CFAP20DC: variants seen among roughly 807,000 people sequenced by gnomAD.
The protein encoded by CFAP20DC is CFAP20 domain containing, also known as protein CFAP20DC.
Under a neutral mutation model 101.7 loss-of-function variants are expected in CFAP20DC, and 84 were observed. The ratio of observed to expected loss-of-function variants is 0.83; its 90% CI spans 0.69 to 0.99. The LOEUF is 0.99. CFAP20DC is among the 50% of genes least tolerant of loss of function. CFAP20DC has a pLI of 0.00. For missense variants in CFAP20DC, 1,007 were observed against 970.3 expected (o/e 1.04, Z -0.50); for synonymous variants, 359 against 351.2 (o/e 1.02, Z -0.25).
chr3:58,955,518 C>CTAA (rs1045216066), intron 4 of CFAP20DC, among the ~76,000 whole-genome samples: 2 of 152,090 alleles, frequency 1.3e-5, no homozygotes, highest in Non-Finnish European at 2.9e-5. Context: ...AGCATTTAAA[C>CTAA]CAGCCCTAGC....
rs371781482 is a variant in CFAP20DC at position 58,932,331 on chromosome 3, A to C, written c.393+5317T>G. On this transcript the variant is annotated intron_variant, in intron 5 of 16. Transcript: ENST00000482387. ...CTGAAAGTGATGGGGAGAATGGAAC[A>C]AAGTTGGAAAACACTCTGCAGGATA... 5.5e-4 allele frequency among the ~76,000 whole-genome samples: 84 copies of C among 152,312 alleles called. 2 individuals carry two copies. The highest frequency in any genetic ancestry group is 1.5e-3 in the African/African-American group (64 of 41,564).
rs777235079 is a variant in CFAP20DC at position 58,831,900 on chromosome 3, G to A, written c.1972-11C>T. Reference sequence around the variant, plus strand: ...TCGCCAGTCATATTCCTGACCAAGAGAGAGGAAAATAACAAAGGGTCATTT... The same window carrying A: ...TCGCCAGTCATATTCCTGACCAAGAAAGAGGAAAATAACAAAGGGTCATTT... On this transcript the variant is annotated splice_polypyrimidine_tract_variant and intron_variant, in intron 13 of 16. Coordinates refer to ENST00000482387, the MANE Select transcript of CFAP20DC (RefSeq NM_001394063.1). 22 of 1,612,592 alleles carry A rather than the reference G, an allele frequency of 1.4e-5. No individual in the cohort carries two copies. Among genetic ancestry groups the A allele is most frequent in the African/African-American group, 2.7e-5 (2 of 74,880 alleles).
rs1338410381 is a variant in CFAP20DC at position 58,762,303 on chromosome 3, G to T, written c.2238-8440C>A. Among the ~76,000 whole-genome samples, 3 of 152,186 alleles carry T rather than the reference G, an allele frequency of 2.0e-5. No homozygotes were observed. The East Asian group carries it at 5.8e-4, about 29-fold the overall frequency. ...TTACCATTATGTAATGGCCTTCTTT[G>T]TCTCTTCTGATCTTTGTTGGTTTAA... On this transcript the variant is annotated intron_variant, in intron 15 of 16. Coordinates refer to ENST00000482387, the MANE Select transcript of CFAP20DC (RefSeq NM_001394063.1).
At chr3:58,959,304 G>A (rs1262037252) in intron 4 of CFAP20DC, among the ~76,000 whole-genome samples, 1 of 152,158 alleles carries the variant, frequency 6.6e-6, no homozygotes, top group Non-Finnish European at 1.5e-5. Context: ...ATGTTGGTCA[G>A]GCTGGTCTTG....
At position 58,996,101 on chromosome 3, in the gene CFAP20DC, C is replaced by CAA. The variant is rs141283541; in HGVS notation, c.278+43455_278+43456insTT. ...TTAAATTGCTTTGGTATAAATGAAG[C>CAA]AGAAAAAAAAAAGTGTTTACTTACA... On this transcript the variant is annotated intron_variant, in intron 4 of 16. Coordinates refer to ENST00000482387, the MANE Select transcript of CFAP20DC (RefSeq NM_001394063.1). 3.4e-3 allele frequency among the ~76,000 whole-genome samples: 505 copies of CAA among 148,052 alleles called. 5 individuals carry two copies. The highest frequency in any genetic ancestry group is 0.012 in the African/African-American group (486 of 39,748).
In CFAP20DC at chr3:59,049,783, C is replaced by T; in HGVS notation, c.-152G>A. On this transcript the variant is annotated 5_prime_UTR_variant, in exon 1 of 17. Transcript: ENST00000482387. ...TTGGCCCAGACTTGGGCAGGCTCTT[C>T]TCAGCCCCTCCGGCCCCTGGTCAGC... is the stretch of plus-strand genomic sequence containing the variant. 2 of 871,858 alleles carry T rather than the reference C, an allele frequency of 2.3e-6. No individual in the cohort carries two copies. Among genetic ancestry groups the T allele is most frequent in the Non-Finnish European group, 3.4e-6 (2 of 581,710 alleles). The allele number at this position is 871,858 out of a possible 1,614,324, so 54.0% of individuals were successfully genotyped here.
chr3:58,790,387 T>G (rs1429573589), intron 15 of CFAP20DC, among the ~76,000 whole-genome samples: 1 of 152,206 alleles, frequency 6.6e-6, no homozygotes, highest in Non-Finnish European at 1.5e-5. Flanking sequence ...CCTGGAAACC[T>G]GTGGCCCTAA....
Position 59,001,169 on chromosome 3 carries a change from A to AT in CFAP20DC, c.278+38387dup, listed in dbSNP as rs2093299186. 1.3e-5 allele frequency among the ~76,000 whole-genome samples: 2 copies of AT among 152,146 alleles called. No individual in the cohort carries two copies. Among genetic ancestry groups the AT allele is most frequent in the Non-Finnish European group, 2.9e-5 (2 of 68,008 alleles). ...GAAAGAAAGGAAAGAGACCTAAGAG[A>AT]TTTAAATCAATGGTAAAATAACACA... On this transcript the variant is annotated intron_variant, in intron 4 of 16. Coordinates refer to ENST00000482387, the MANE Select transcript of CFAP20DC (RefSeq NM_001394063.1). This position sits in a 1 kb window ranked among gnomAD's most constrained non-coding sequence, Gnocchi z 4.5.
chr3:58,809,991 C>T (rs1003406984), intron 14 of CFAP20DC, among the ~76,000 whole-genome samples: 75 of 152,124 alleles, frequency 4.9e-4, no homozygotes, highest in Middle Eastern at 3.4e-3. Context: ...CACCATCCCA[C>T]GACTAAACCA....
At chr3:58,875,531 C>T (rs370871268) in intron 7 of CFAP20DC, among the ~76,000 whole-genome samples, 159 of 152,236 alleles carry the variant, frequency 1.0e-3, no homozygotes, top group African/African-American at 3.6e-3. Context: ...CTTCCCTCTT[C>T]CAATCCTGGG....
intron 6 of CFAP20DC, among the ~76,000 whole-genome samples, chr3:58,905,290 C>T (rs1210366780): frequency 6.6e-6 from 1 of 152,164 alleles, no homozygotes; most frequent in Non-Finnish European, 1.5e-5. Flanking sequence ...ATTATCATTG[C>T]TTGTTCTACT....
At chr3:58,969,357 T>G (rs908175275) in intron 4 of CFAP20DC, among the ~76,000 whole-genome samples, 14 of 152,152 alleles carry the variant, frequency 9.2e-5, no homozygotes, top group Non-Finnish European at 1.8e-4. Flanking sequence ...GATGAGGATG[T>G]GGAGAAATGA....
intron 14 of CFAP20DC, among the ~76,000 whole-genome samples, chr3:58,820,662 G>A (rs1208015208): frequency 2.6e-5 from 4 of 151,796 alleles, no homozygotes; most frequent in Middle Eastern, 3.4e-3. Context: ...ACAAATGGAA[G>A]AACATTCCAT....
chr3:58,852,904 C>A (rs2078386387), intron 12 of CFAP20DC, among the ~76,000 whole-genome samples: 2 of 151,394 alleles, frequency 1.3e-5, no homozygotes, highest in Non-Finnish European at 3.0e-5. Flanking sequence ...AATTGACACC[C>A]TAACATCACA....
intron 15 of CFAP20DC, among the ~76,000 whole-genome samples, chr3:58,774,429 C>T (rs1024327119): frequency 6.6e-6 from 1 of 152,166 alleles, no homozygotes. Flanking sequence ...TTCAATTCTT[C>T]CCCTTGATAT....
At chr3:59,005,466 A>G (rs2093412822) in intron 4 of CFAP20DC, among the ~76,000 whole-genome samples, 1 of 152,220 alleles carries the variant, frequency 6.6e-6, no homozygotes, top group South Asian at 2.1e-4. Flanking sequence ...CACCTTACAT[A>G]ACACTATGTT....
rs76194049 is a variant in CFAP20DC, at chr3:58,742,479, T to C, written c.2426A>G (p.Lys809Arg). Reference sequence around the variant, plus strand: ...GAGGCATTATACCAACTCATAGTATTTCCCTGTTTGGGGGTCAAAGTAACA... The same window carrying C: ...GAGGCATTATACCAACTCATAGTATCTCCCTGTTTGGGGGTCAAAGTAACA... The part of the protein sequence containing the change: ...LNCYFDPQTG[K>R]YYELV The change falls in exon 17 of 17, where the codon AAA becomes AGA. Residue 809 changes from lysine (K) to arginine (R), a missense_variant. Transcript: ENST00000482387. 3 of 1,606,194 alleles carry C rather than the reference T, an allele frequency of 1.9e-6. No individual in the cohort carries two copies. Among genetic ancestry groups the C allele is most frequent in the East Asian group, 2.3e-5 (1 of 44,404 alleles).
rs1294253439 is a variant in CFAP20DC at position 58,937,775 on chromosome 3, A to G, written c.279-13T>C. 1.5e-5 allele frequency: 21 copies of G among 1,378,858 alleles called. No homozygotes were observed. Among genetic ancestry groups the G allele is most frequent in the African/African-American group, 4.3e-5 (3 of 70,206 alleles). 85.4% of individuals were successfully genotyped at this position (1,378,858 alleles called of 1,614,324 possible). On this transcript the variant is annotated splice_polypyrimidine_tract_variant and intron_variant, in intron 4 of 16. Coordinates refer to ENST00000482387, the MANE Select transcript of CFAP20DC (RefSeq NM_001394063.1). ...TAAATCAGTAATTCTGAAAACATGG[A>G]GGAGAGAAGACAGAAAGATTCCCAT... is the stretch of plus-strand genomic sequence containing the variant.
At chr3:58,787,824 C>A (rs994056470) in intron 15 of CFAP20DC, among the ~76,000 whole-genome samples, 3 of 152,220 alleles carry the variant, frequency 2.0e-5, no homozygotes, top group Admixed American at 2.0e-4. Context: ...CGGATGAGTT[C>A]ATGTCCTTTG....
Sources: allele counts gnomAD v4.1 joint callset (sites outside exome capture counted in the v4.1 genomes callset), GRCh38; gene constraint gnomAD v4.1.1; non-coding constraint Gnocchi (gnomAD v3.1); transcripts MANE v1.5; gene names NCBI Gene and HGNC (gene_info 2026-07-23, HGNC 2026-07-21).